The following ANKRD30B variants were observed in gnomAD, a reference collection of about 807,000 sequenced individuals.
ANKRD30B encodes the protein ankyrin repeat domain-containing protein 30B.
In ANKRD30B, 144 loss-of-function variants were observed where a neutral mutation model predicts 202.2. The observed-to-expected ratio is 0.71, with a 90% CI of 0.62 to 0.82. ANKRD30B has a LOEUF of 0.82. ANKRD30B is among the 40% of genes least tolerant of loss of function. ANKRD30B has a pLI of 0.00. For synonymous variants in ANKRD30B, 508 were observed against 561.3 expected (o/e 0.91, Z 1.34); for missense variants, 1,487 against 1,669.1 (o/e 0.89, Z 1.90).
chr18:14,882,432 T>C, the ANKRD30B span, among the ~76,000 whole-genome samples: 1 of 152,208 alleles, frequency 6.6e-6, no homozygotes, highest in Admixed American at 6.5e-5. Context: ...CCTTTTGGAG[T>C]TGATTTTCAG....
the ANKRD30B span, among the ~76,000 whole-genome samples, chr18:14,885,055 C>T: frequency 6.6e-6 from 1 of 152,060 alleles, no homozygotes; most frequent in African/African-American, 2.4e-5. Flanking sequence ...TAGATATTTT[C>T]CCAACTCTGT....
At chr18:14,755,124 C>T (rs1161409608) in intron 4 of ANKRD30B, 119 bp downstream of exon 4, 2 of 556,756 alleles carry the variant, frequency 3.6e-6, no homozygotes, top group Non-Finnish European at 5.9e-6. Context: ...TATAGTGAAA[C>T]ATATCAACAC....
In ANKRD30B at chr18:14,789,314, C is replaced by T. The variant is rs550184261; in HGVS notation, c.1735-2087C>T. Among the ~76,000 whole-genome samples, 9 of 152,122 alleles carry T rather than the reference C, an allele frequency of 5.9e-5. 1 individual carries two copies. In the East Asian group the frequency reaches 7.7e-4, roughly 13 times the overall value. ...AGCCCTTTGTCAGAAGAGTAGGTTG[C>T]GAAAATGTTCTCCCATTTTGTAGGT... is the stretch of plus-strand genomic sequence containing the variant. On this transcript the variant is annotated intron_variant, in intron 15 of 43. Coordinates refer to ENST00000690538, the MANE Select transcript of ANKRD30B (RefSeq NM_001367607.2).
At chr18:14,930,093 T>C in the ANKRD30B span, among the ~76,000 whole-genome samples, 5 of 152,082 alleles carry the variant, frequency 3.3e-5, no homozygotes, top group Admixed American at 6.5e-5. Context: ...CATCCTGAGA[T>C]AAAGGGTGGC....
At chr18:14,922,828 G>A in the ANKRD30B span, among the ~76,000 whole-genome samples, 3 of 152,108 alleles carry the variant, frequency 2.0e-5, no homozygotes, top group South Asian at 6.2e-4. Context: ...TGTAAAAGCC[G>A]AGGCAGATCA....
chr18:14,788,540 C>A (rs1380229080), intron 15 of ANKRD30B, among the ~76,000 whole-genome samples: 2 of 152,066 alleles, frequency 1.3e-5, no homozygotes, highest in Non-Finnish European at 2.9e-5. Context: ...GCTATCCCTC[C>A]CCGCTCCCCC....
At position 14,752,692 on chromosome 18, in the gene ANKRD30B, C is replaced by T. The variant is rs1304077854; in HGVS notation, c.336+12C>T. On this transcript the variant is annotated intron_variant, in intron 2 of 43. Transcript: ENST00000690538. ...CACCTCTGATGAAGGTAAATAGTAG[C>T]CAGTTTTTTCAGCGGGAGATGGATT... 5 of 1,587,098 alleles carry T rather than the reference C, an allele frequency of 3.2e-6. No homozygotes were observed. Among genetic ancestry groups the T allele is most frequent in the Non-Finnish European group, 4.3e-6 (5 of 1,164,284 alleles).
At chr18:14,862,289 GA>G in the ANKRD30B span, among the ~76,000 whole-genome samples, 1 of 132,486 alleles carries the variant, frequency 7.5e-6, no homozygotes, top group Non-Finnish European at 1.7e-5. Context: ...ATAAGTTAAT[GA>G]AATTGGGACC....
intron 7 of ANKRD30B, among the ~76,000 whole-genome samples, chr18:14,765,180 G>C: frequency 6.6e-6 from 1 of 152,056 alleles, no homozygotes; most frequent in Non-Finnish European, 1.5e-5. Flanking sequence ...ATGTTAGACC[G>C]CTGGGTGTGG....
chr18:14,896,136 A>AT, the ANKRD30B span, among the ~76,000 whole-genome samples: 562 of 140,646 alleles, frequency 4.0e-3, no homozygotes, highest in East Asian at 6.4e-3. Flanking sequence ...TTATCTGCTC[A>AT]TTTTTTTTTT....
chr18:14,796,645 C>G (rs1968917207), intron 18 of ANKRD30B, among the ~76,000 whole-genome samples: 2 of 152,106 alleles, frequency 1.3e-5, no homozygotes, highest in African/African-American at 4.8e-5. Context: ...TGTCCAGCAG[C>G]CTGCAATACA....
intron 11 of ANKRD30B, among the ~76,000 whole-genome samples, 184 bp from the exon 12 acceptor site, chr18:14,782,343 G>A (rs1568005100): frequency 9.7e-6 from 1 of 103,572 alleles, no homozygotes; most frequent in African/African-American, 3.5e-5. Flanking sequence ...CAACAGATAA[G>A]TTTTGACCTA....
the ANKRD30B span, among the ~76,000 whole-genome samples, chr18:14,880,088 C>T: frequency 6.6e-6 from 1 of 151,846 alleles, no homozygotes; most frequent in Non-Finnish European, 1.5e-5. Flanking sequence ...CAGTTTTATT[C>T]CCCTACATGT....
chr18:14,879,100 T>C, the ANKRD30B span, among the ~76,000 whole-genome samples: 2 of 151,900 alleles, frequency 1.3e-5, no homozygotes, highest in Admixed American at 6.5e-5. Flanking sequence ...CAGAGCAGTG[T>C]TCTCCTCAGC....
In ANKRD30B at chr18:14,848,224, G is replaced by A. The variant is rs568352906; in HGVS notation, c.3182-492G>A. ...TCCACTGTCTAAAAAATTGTTTAGT[G>A]TATTTTGTGTGTTTTATTTTTAGTT... On this transcript the variant is annotated intron_variant, in intron 39 of 43. Coordinates refer to ENST00000690538, the MANE Select transcript of ANKRD30B (RefSeq NM_001367607.2). Among the ~76,000 whole-genome samples, 5 of 152,168 alleles carry A rather than the reference G, an allele frequency of 3.3e-5. No individual in the cohort carries two copies. The South Asian group carries it at 6.2e-4, about 19-fold the overall frequency.
At chr18:14,843,196 T>C (rs1455502557) in intron 39 of ANKRD30B, 100 bp downstream of exon 39, 1 of 1,244,710 alleles carries the variant, frequency 8.0e-7, no homozygotes, top group African/African-American at 1.5e-5. Flanking sequence ...ATTATGGAAA[T>C]ATTTGAGTTA....
chr18:14,941,095 T>G, the ANKRD30B span, among the ~76,000 whole-genome samples: 1 of 152,214 alleles, frequency 6.6e-6, no homozygotes, highest in Non-Finnish European at 1.5e-5. Flanking sequence ...CATACTCTGG[T>G]AACTGTGCAG....
Position 14,822,646 on chromosome 18 carries a change from A to G in ANKRD30B, c.2712A>G (p.Leu904=). 6.8e-7 allele frequency: 1 copy of G among 1,466,740 alleles called. No individual in the cohort carries two copies. 90.9% of individuals were successfully genotyped at this position (1,466,740 alleles called of 1,614,324 possible). A position where few individuals can be genotyped will look rare whatever the true frequency, so the allele number is the denominator to read the frequency against. The stretch of plus-strand genomic sequence containing the variant: ...AAATTTCTCTTCCAAATAAAGCCTT[A>G]GAATTGAAGGACAGAGAAACATTCA... ...GMKISLPNKA[L]ELKDRETFKA... Residue 904 remains leucine, a synonymous_variant, in exon 32 of 44, where the codon TTA becomes TTG. Transcript: ENST00000690538.
chr18:14,871,503 C>T, the ANKRD30B span, among the ~76,000 whole-genome samples: 3 of 151,074 alleles, frequency 2.0e-5, no homozygotes, highest in Non-Finnish European at 4.4e-5. Context: ...CTGGGTTAGT[C>T]CACCACAGGA....
Sources: allele counts gnomAD v4.1 joint callset (sites outside exome capture counted in the v4.1 genomes callset), GRCh38; gene constraint gnomAD v4.1.1; transcripts MANE v1.5; gene names NCBI Gene and HGNC (gene_info 2026-07-23, HGNC 2026-07-21).